Variants in ENOX1 observed in about 807,000 individuals in gnomAD.
ENOX1 encodes the protein ecto-NOX disulfide-thiol exchanger 1, also known as candidate growth-related and time keeping constitutive hydroquinone (NADH) oxidase.
A neutral mutation model predicts 82.5 loss-of-function variants in ENOX1; 42 were observed. The observed-to-expected ratio is 0.51, with a 90% CI of 0.40 to 0.66. ENOX1 has a LOEUF of 0.66. Among genes scored for constraint, ENOX1 ranks in the 30% least tolerant of loss-of-function variants. ENOX1 has a pLI of 0.00. For missense variants in ENOX1, 608 were observed against 811.6 expected (o/e 0.75, Z 3.05); for synonymous variants, 271 against 282.2 (o/e 0.96, Z 0.40).
intron 13 of ENOX1, among the ~76,000 whole-genome samples, chr13:43,267,762 G>A (rs868663726): frequency 6.6e-6 from 1 of 152,176 alleles, no homozygotes; most frequent in Non-Finnish European, 1.5e-5. Context: ...AGGGGCTCTT[G>A]GACAAACAGC....
At chr13:43,410,055 G>A (rs76378230) in intron 5 of ENOX1, among the ~76,000 whole-genome samples, 2,478 of 152,270 alleles carry the variant, frequency 0.016, 57 homozygotes, top group African/African-American at 0.055. Flanking sequence ...TCTATAACGC[G>A]TAGGGCTGTA....
chr13:43,551,465 T>C (rs1005968462), intron 2 of ENOX1, among the ~76,000 whole-genome samples: 1 of 152,220 alleles, frequency 6.6e-6, no homozygotes, highest in African/African-American at 2.4e-5. Flanking sequence ...AAAATGAAAA[T>C]TATGCAGAAT....
intron 1 of ENOX1, among the ~76,000 whole-genome samples, chr13:43,692,211 G>A (rs925214484): frequency 6.6e-6 from 1 of 152,192 alleles, no homozygotes; most frequent in Non-Finnish European, 1.5e-5. Context: ...TGAAATAATG[G>A]TGTTGGGATA....
chr13:43,224,590 A>C (rs555364846), intron 15 of ENOX1, among the ~76,000 whole-genome samples: 19 of 152,218 alleles, frequency 1.2e-4, no homozygotes, highest in Non-Finnish European at 2.4e-4. Context: ...CAATTGCTAG[A>C]TATGAAAAGT....
At chr13:43,482,825 G>C (rs2058558555) in intron 3 of ENOX1, among the ~76,000 whole-genome samples, 1 of 152,140 alleles carries the variant, frequency 6.6e-6, no homozygotes, top group Admixed American at 6.6e-5. Context: ...TATGGATACA[G>C]TTATTAGGTT....
intron 3 of ENOX1, among the ~76,000 whole-genome samples, chr13:43,470,182 A>G (rs1046393489): frequency 1.4e-5 from 2 of 143,896 alleles, no homozygotes; most frequent in African/African-American, 2.6e-5. Context: ...TTCAAACTAT[A>G]TGTGTGTGTG....
intron 2 of ENOX1, among the ~76,000 whole-genome samples, chr13:43,649,194 A>C (rs1288449296): frequency 6.6e-6 from 1 of 152,166 alleles, no homozygotes; most frequent in African/African-American, 2.4e-5. Flanking sequence ...AACAACTTCA[A>C]TTTTTATTCA....
At position 43,213,545 on chromosome 13, in the gene ENOX1, T is replaced by G. The variant is rs2041293117; in HGVS notation, c.*445A>C. 1.9e-4 allele frequency: 3 copies of G among 16,144 alleles called. No homozygotes were observed. In the South Asian group the frequency reaches 4.7e-3, roughly 25 times the overall value. The allele number at this position is 16,144 out of a possible 1,614,324, so 1.0% of individuals were successfully genotyped here. Reference sequence around the variant, plus strand: ...TTTTCTTTTTTTCTTTTTCTTTTTCTTTTTTTTTTTTTTTTTTTTTTTACT... The same window carrying G: ...TTTTCTTTTTTTCTTTTTCTTTTTCGTTTTTTTTTTTTTTTTTTTTTTACT... On this transcript the variant is annotated 3_prime_UTR_variant, in exon 17 of 17. Coordinates refer to ENST00000690772, the MANE Select transcript of ENOX1 (RefSeq NM_001347969.2).
At chr13:43,258,987 G>A (rs1330421344) in intron 14 of ENOX1, among the ~76,000 whole-genome samples, 1 of 152,162 alleles carries the variant, frequency 6.6e-6, no homozygotes, top group Non-Finnish European at 1.5e-5. Flanking sequence ...CCATGTGGGG[G>A]CAGAAATCCC....
rs185116948 is a variant in ENOX1, at chr13:43,641,937, T to C, written c.-219+25542A>G. On this transcript the variant is annotated intron_variant, in intron 2 of 16. Transcript: ENST00000690772. ...AGCTATAAAATACAAATAATCAAGA[T>C]AGAAACAACATGATGATAATAGTCA... is the stretch of plus-strand genomic sequence containing the variant. 1.0e-3 allele frequency among the ~76,000 whole-genome samples: 155 copies of C among 152,274 alleles called. 1 individual carries two copies. Among genetic ancestry groups the C allele is most frequent in the Non-Finnish European group, 1.9e-3 (130 of 68,026 alleles).
At chr13:43,595,678 A>G (rs907304862) in intron 2 of ENOX1, among the ~76,000 whole-genome samples, 7 of 152,248 alleles carry the variant, frequency 4.6e-5, no homozygotes, top group Non-Finnish European at 8.8e-5. Context: ...ACTGGCTAAC[A>G]AGATTTATCC....
intron 3 of ENOX1, among the ~76,000 whole-genome samples, chr13:43,468,408 C>T (rs537421974): frequency 1.3e-5 from 2 of 152,090 alleles, no homozygotes; most frequent in South Asian, 2.1e-4. Context: ...GTCTCGACCT[C>T]TTGACCTCGT....
intron 2 of ENOX1, among the ~76,000 whole-genome samples, chr13:43,594,034 C>G (rs566406121): frequency 6.6e-6 from 1 of 152,200 alleles, no homozygotes; most frequent in East Asian, 1.9e-4. Flanking sequence ...CCATTGTGCT[C>G]GGAGGAGTGA....
chr13:43,271,462 T>G (rs2044677493), intron 12 of ENOX1, among the ~76,000 whole-genome samples: 1 of 152,110 alleles, frequency 6.6e-6, no homozygotes, highest in African/African-American at 2.4e-5. Context: ...TCTTTTTTGC[T>G]TGTCAGTTTT....
intron 12 of ENOX1, among the ~76,000 whole-genome samples, chr13:43,281,901 C>A (rs939390541): frequency 1.3e-5 from 2 of 151,994 alleles, no homozygotes; most frequent in South Asian, 2.1e-4. Flanking sequence ...AATCATGATA[C>A]AAAGCAAGTG....
intron 1 of ENOX1, among the ~76,000 whole-genome samples, chr13:43,750,388 A>ATAGC (rs1950246737): frequency 6.6e-6 from 1 of 152,192 alleles, no homozygotes. Context: ...TGAGGGATTA[A>ATAGC]TAGCTGCCCT....
At chr13:43,673,197 G>A (rs964991025) in intron 1 of ENOX1, among the ~76,000 whole-genome samples, 4 of 145,756 alleles carry the variant, frequency 2.7e-5, no homozygotes, top group Non-Finnish European at 6.0e-5. Context: ...ATATATACAT[G>A]TTCGATTCTC....
At chr13:43,680,737 T>A (rs571864002) in intron 1 of ENOX1, among the ~76,000 whole-genome samples, 34 of 152,310 alleles carry the variant, frequency 2.2e-4, no homozygotes, top group Admixed American at 3.9e-4. Flanking sequence ...ACACAGCAAG[T>A]ACTCAAGGTT....
chr13:43,296,562 A>C (rs2046295937), intron 12 of ENOX1, among the ~76,000 whole-genome samples: 1 of 152,186 alleles, frequency 6.6e-6, no homozygotes, highest in Non-Finnish European at 1.5e-5. Flanking sequence ...ATTTTTAGCT[A>C]TATAAAGTAC....
Sources: allele counts gnomAD v4.1 joint callset (sites outside exome capture counted in the v4.1 genomes callset), GRCh38; gene constraint gnomAD v4.1.1; transcripts MANE v1.5; gene names NCBI Gene and HGNC (gene_info 2026-07-23, HGNC 2026-07-21).